Variants in TSHZ2 observed in about 807,000 individuals in gnomAD.
The protein encoded by TSHZ2 is teashirt zinc finger homeobox 2.
In TSHZ2, 21 loss-of-function variants were observed where a neutral mutation model predicts 74.4. The ratio of observed to expected loss-of-function variants is 0.28; its 90% CI spans 0.20 to 0.41. The LOEUF (loss-of-function observed/expected upper bound fraction) is 0.41. Among genes scored for constraint, TSHZ2 ranks in the 10% least tolerant of loss-of-function variants. The pLI is 1.00. For synonymous variants in TSHZ2, 540 were observed against 515.3 expected, an observed-to-expected ratio of 1.05 and a Z score of -0.65; for missense variants, 1,244 against 1,293.5, an observed-to-expected ratio of 0.96 and a Z score of 0.59.
intron 2 of TSHZ2, among the ~76,000 whole-genome samples, chr20:53,334,884 A>G (rs1441180203): frequency 1.3e-5 from 2 of 152,100 alleles, no homozygotes; most frequent in Non-Finnish European, 2.9e-5. Flanking sequence ...GGGTTTCACC[A>G]TATTAGCCAG....
chr20:53,080,108 G>A (rs1985485939), intron 1 of TSHZ2, among the ~76,000 whole-genome samples: 1 of 152,144 alleles, frequency 6.6e-6, no homozygotes, highest in Admixed American at 6.5e-5. Context: ...AATCTTAAAC[G>A]AGTTAATATA....
chr20:53,327,366 G>A (rs1486836532), intron 2 of TSHZ2, among the ~76,000 whole-genome samples: 2 of 152,204 alleles, frequency 1.3e-5, no homozygotes, highest in Non-Finnish European at 2.9e-5. Flanking sequence ...GCGGGTGCCT[G>A]TAGTCCCAGC....
intron 2 of TSHZ2, among the ~76,000 whole-genome samples, chr20:53,293,320 A>G (rs1234989714): frequency 1.3e-5 from 2 of 152,102 alleles, no homozygotes; most frequent in Non-Finnish European, 2.9e-5. Context: ...AAAATTAGCC[A>G]GGCCTGGTGG....
At chr20:53,209,557 A>T (rs1989251360) in intron 1 of TSHZ2, among the ~76,000 whole-genome samples, 1 of 152,242 alleles carries the variant, frequency 6.6e-6, no homozygotes, top group Admixed American at 6.5e-5. Context: ...GGATATATCA[A>T]TACTATCTAG....
chr20:53,294,408 C>T (rs1472078174), intron 2 of TSHZ2, among the ~76,000 whole-genome samples: 2 of 151,884 alleles, frequency 1.3e-5, no homozygotes, highest in African/African-American at 4.8e-5. Context: ...ACCTCTTGCT[C>T]AGGATAATTG....
At chr20:53,382,505 T>C (rs1303395757) in intron 2 of TSHZ2, among the ~76,000 whole-genome samples, 1 of 152,142 alleles carries the variant, frequency 6.6e-6, no homozygotes, top group Non-Finnish European at 1.5e-5. Flanking sequence ...TCCCACCATA[T>C]GAGCCAATGC....
intron 2 of TSHZ2, among the ~76,000 whole-genome samples, chr20:53,448,485 T>C (rs1250203081): frequency 1.3e-5 from 2 of 152,184 alleles, no homozygotes; most frequent in Non-Finnish European, 2.9e-5. Flanking sequence ...ATAAGACAAA[T>C]GTAACTTTCT....
chr20:52,989,897 GTAAA>G (rs552472546), intron 1 of TSHZ2, among the ~76,000 whole-genome samples: 183 of 150,702 alleles, frequency 1.2e-3, no homozygotes, highest in Non-Finnish European at 2.2e-3. Context: ...CTCTAACCAA[GTAAA>G]TAGATAGGTA....
In TSHZ2 at chr20:53,255,691, G is replaced by A. The variant is rs1270542545; in HGVS notation, c.2233G>A (p.Ala745Thr). Residue 745 changes from alanine to threonine, a missense_variant, in exon 2 of 3, where the codon GCC (alanine) becomes ACC (threonine). Ala to Thr is a moderately conservative substitution (Grantham distance 58, BLOSUM62 0). Transcript: ENST00000371497. The surrounding 1 kb of genome is among the most constrained non-coding windows in gnomAD (Gnocchi z 4.1). ...NVMDKPVLSP[A>T]STRSASVSRR... ...CATGGACAAGCCGGTCTTGAGTCCTGCCTCCACAAGGTCAGCCAGCGTGTC... is the reference window on the plus strand; with the variant it reads ...CATGGACAAGCCGGTCTTGAGTCCTACCTCCACAAGGTCAGCCAGCGTGTC... 1 of 1,593,998 alleles carries A rather than the reference G, an allele frequency of 6.3e-7. No individual in the cohort carries two copies. Among genetic ancestry groups the A allele is most frequent in the African/African-American group, 1.3e-5 (1 of 74,228 alleles).
intron 2 of TSHZ2, among the ~76,000 whole-genome samples, chr20:53,389,885 T>C (rs1406321795): frequency 6.6e-6 from 1 of 152,190 alleles, no homozygotes; most frequent in Admixed American, 6.5e-5. Flanking sequence ...GAAATGTCAA[T>C]AGCGCTGAGG....
At chr20:53,244,576 A>G (rs1260162451) in intron 1 of TSHZ2, among the ~76,000 whole-genome samples, 1 of 152,140 alleles carries the variant, frequency 6.6e-6, no homozygotes, top group Non-Finnish European at 1.5e-5. Context: ...TTAAATTGTC[A>G]CCAAGACACG....
intron 1 of TSHZ2, among the ~76,000 whole-genome samples, chr20:53,182,070 T>G (rs776720615): frequency 6.6e-6 from 1 of 152,102 alleles, no homozygotes. Context: ...GTGCCACATA[T>G]AGTGCCTAGG....
chr20:53,102,495 G>A (rs2060570511), intron 1 of TSHZ2, among the ~76,000 whole-genome samples: 1 of 149,720 alleles, frequency 6.7e-6, no homozygotes, highest in South Asian at 2.1e-4. Flanking sequence ...GGAGGGGAGA[G>A]GAAGGAAGAA....
At chr20:53,186,131 C>T (rs1988592774) in intron 1 of TSHZ2, among the ~76,000 whole-genome samples, 1 of 152,174 alleles carries the variant, frequency 6.6e-6, no homozygotes, top group Non-Finnish European at 1.5e-5. Flanking sequence ...TTGATGTAAG[C>T]TGGTGGAAGG....
rs541101460 is a variant in TSHZ2 at position 53,074,677 on chromosome 20, G to C, written c.40+101344G>C. ...AAGAAAAGGCTACTTGGAAACTATA[G>C]ATACTAATTATTTTTAACTATAGAT... On this transcript the variant is annotated intron_variant, in intron 1 of 2. Transcript: ENST00000371497. The surrounding 1 kb of genome is among the most constrained non-coding windows in gnomAD (Gnocchi z 5.9). 8.5e-5 allele frequency among the ~76,000 whole-genome samples: 13 copies of C among 152,266 alleles called. 1 individual carries two copies. In the East Asian group the frequency reaches 1.2e-3, roughly 14 times the overall value.
chr20:53,226,057 G>A (rs1391200168), intron 1 of TSHZ2, among the ~76,000 whole-genome samples: 2 of 150,906 alleles, frequency 1.3e-5, no homozygotes, highest in Non-Finnish European at 3.0e-5. Flanking sequence ...TGTATACATA[G>A]ACATTATCAT....
chr20:53,308,524 A>C (rs908149600), intron 2 of TSHZ2, among the ~76,000 whole-genome samples: 1 of 152,186 alleles, frequency 6.6e-6, no homozygotes, highest in African/African-American at 2.4e-5. Context: ...AAGGCCACCG[A>C]CACTTAGGAA....
In TSHZ2 at chr20:52,973,148, G is replaced by C; in HGVS notation, c.-146G>C. On this transcript the variant is annotated 5_prime_UTR_variant, in exon 1 of 3. Transcript: ENST00000371497. ...CCCGTGGTGGAGGAGTTGCAGGGGG[G>C]ATCGTCAGGGGGACAGAGGCCGAGT... 1 of 1,013,992 alleles carries C rather than the reference G, an allele frequency of 9.9e-7. No individual in the cohort carries two copies. The highest frequency in any genetic ancestry group is 2.7e-5 in the East Asian group (1 of 36,542). The allele number at this position is 1,013,992 out of a possible 1,614,324, so 62.8% of individuals were successfully genotyped here.
chr20:53,119,333 A>G (rs1986748427), intron 1 of TSHZ2, among the ~76,000 whole-genome samples: 1 of 152,260 alleles, frequency 6.6e-6, no homozygotes, highest in Non-Finnish European at 1.5e-5. Context: ...TGTCACATCA[A>G]TGAGTAAACT....
Sources: gnomAD v4.1 joint callset for allele counts (sites outside exome capture counted in the v4.1 genomes callset) on GRCh38, gnomAD v4.1.1 for gene constraint, Gnocchi (gnomAD v3.1) non-coding constraint, MANE v1.5 for transcripts, NCBI Gene and HGNC (gene_info 2026-07-23, HGNC 2026-07-21) for gene names.